Variants in ANXA1 observed in about 807,000 individuals in gnomAD.
The protein encoded by ANXA1 is annexin A1.
A neutral mutation model predicts 47.9 loss-of-function variants in ANXA1; 39 were observed. The observed-to-expected ratio is 0.81, with a 90% confidence interval of 0.63 to 1.06. The LOEUF (loss-of-function observed/expected upper bound fraction) is 1.06. ANXA1 is among the 50% of genes least tolerant of loss of function. ANXA1 has a pLI of 0.00. For synonymous variants in ANXA1, 146 were observed against 142.5 expected (o/e 1.02, Z -0.17); for missense variants, 446 against 422.7 (o/e 1.06, Z -0.48).
At chr9:73,164,982 A>G in intron 8 of ANXA1, 134 bp from the exon 9 acceptor site, 1 of 613,882 alleles carries the variant, frequency 1.6e-6, no homozygotes, top group Non-Finnish European at 2.8e-6. Flanking sequence ...AAGAACTTGC[A>G]ATCTTATTGT....
In ANXA1 at chr9:73,167,159, C is replaced by CAT. The variant is rs1824245517; in HGVS notation, c.803-336_803-335dup. On this transcript the variant is annotated intron_variant, in intron 10 of 12. Coordinates refer to ENST00000257497, the MANE Select transcript of ANXA1 (RefSeq NM_000700.3). ...TTCTTTTTAAATGTTCTTATAGTAACATAAATAAAGTATTTACATAGGCTT... is the reference window on the plus strand; with the variant it reads ...TTCTTTTTAAATGTTCTTATAGTAACATATAAATAAAGTATTTACATAGGCTT... Among the ~76,000 whole-genome samples the CAT allele has an allele frequency of 2.0e-5, 3 of 152,172 alleles. No individual in the cohort carries two copies. The South Asian group carries it at 6.2e-4, about 32-fold the overall frequency.
chr9:73,159,459 A>G (rs1337273850), intron 4 of ANXA1, 36 bp downstream of exon 4: 9 of 1,569,502 alleles, frequency 5.7e-6, no homozygotes. Flanking sequence ...ATTTAATTTC[A>G]GCATAGTTAT....
At position 73,154,896 on chromosome 9, in the gene ANXA1, C is replaced by T. The variant is rs189893380; in HGVS notation, c.-15+2972C>T. On this transcript the variant is annotated intron_variant, in intron 1 of 12. Transcript: ENST00000257497. ...TATTCCAAGCAAGGGTTAGTCATTG[C>T]TGTTACTATCATTGCAAAACTCTGA... Among the ~76,000 whole-genome samples, 141 of 152,296 alleles carry T rather than the reference C, an allele frequency of 9.3e-4. 1 individual carries two copies. The highest frequency in any genetic ancestry group is 3.2e-3 in the African/African-American group (133 of 41,556).
At position 73,167,492 on chromosome 9, in the gene ANXA1, A is replaced by C. The variant is rs1179696357; in HGVS notation, c.803-5A>C. On this transcript the variant is annotated splice_region_variant and splice_polypyrimidine_tract_variant and intron_variant, in intron 10 of 12. Coordinates refer to ENST00000257497, the MANE Select transcript of ANXA1 (RefSeq NM_000700.3). ...TACATCAACTAAAATTTTCTTCTCT[A>C]ACAGTGAAGTGCGCCACAAGCAAAC... 1 of 1,612,096 alleles carries C rather than the reference A, an allele frequency of 6.2e-7. No homozygotes were observed. The highest frequency in any genetic ancestry group is 8.5e-7 in the Non-Finnish European group (1 of 1,179,088).
At chr9:73,166,030 G>C in intron 9 of ANXA1, 67 bp from the exon 10 acceptor site, 2 of 1,302,092 alleles carry the variant, frequency 1.5e-6, no homozygotes, top group South Asian at 2.8e-5. Flanking sequence ...CAGTTGCCTT[G>C]ATTTTGCTAA....
chr9:73,168,955 G>A, intron 11 of ANXA1, 77 bp from the exon 12 acceptor site: 1 of 1,392,544 alleles, frequency 7.2e-7, no homozygotes, highest in African/African-American at 1.5e-5. Context: ...GAGTAAGAAG[G>A]CTTCACTTTA....
At chr9:73,153,429 G>C (rs1824001285) in intron 1 of ANXA1, among the ~76,000 whole-genome samples, 1 of 152,124 alleles carries the variant, frequency 6.6e-6, no homozygotes, top group African/African-American at 2.4e-5. Context: ...AGGAAGCTCA[G>C]AACAATCCAA....
At chr9:73,159,555 C>G (rs1323394383) in intron 4 of ANXA1, 132 bp downstream of exon 4, 6 of 638,872 alleles carry the variant, frequency 9.4e-6, no homozygotes, top group Non-Finnish European at 1.3e-5. Context: ...ATTGGGATTG[C>G]AGTGTTTATC....
At chr9:73,166,016 G>A in intron 9 of ANXA1, 81 bp from the exon 10 acceptor site, 2 of 1,031,140 alleles carry the variant, frequency 1.9e-6, no homozygotes, top group Non-Finnish European at 2.8e-6. Context: ...AAAATTCTTT[G>A]AGTCAGTTGC....
Position 73,167,556 on chromosome 9 carries a change from G to GT in ANXA1, c.861+2dup. The GT allele has an allele frequency of 6.2e-7, 1 of 1,613,166 alleles. No homozygotes were observed. Among genetic ancestry groups the GT allele is most frequent in the Non-Finnish European group, 8.5e-7 (1 of 1,179,308 alleles). ...AGAGAAGCTTCATCAAGCCATGAAA[G>GT]TATGTACCATTCTACTTATATGTCC... On this transcript the variant is annotated splice_donor_variant, in intron 11 of 12. Coordinates refer to ENST00000257497, the MANE Select transcript of ANXA1 (RefSeq NM_000700.3). LOFTEE classifies it high-confidence loss of function.
At chr9:73,165,321 T>A (rs1055296294) in intron 9 of ANXA1, 112 bp downstream of exon 9, 1 of 756,482 alleles carries the variant, frequency 1.3e-6, no homozygotes, top group African/African-American at 1.8e-5. Context: ...CACTCCTGTA[T>A]CAAACAGATA....
rs895777288 is a variant in ANXA1, at chr9:73,161,014, T to G, written c.475+121T>G. ...TTGGAATCTCCACATATCAAAATGT[T>G]TCTTTATTGTTTGGCACATGTCTAT... On this transcript the variant is annotated intron_variant, in intron 6 of 12. Transcript: ENST00000257497. 1.7e-5 allele frequency: 11 copies of G among 662,604 alleles called. No individual in the cohort carries two copies. In the African/African-American group the frequency reaches 2.0e-4, roughly 12 times the overall value. The allele number at this position is 662,604 out of a possible 1,614,324, so 41.0% of individuals were successfully genotyped here.
chr9:73,155,074 T>C (rs1459595662), intron 1 of ANXA1, among the ~76,000 whole-genome samples: 2 of 152,278 alleles, frequency 1.3e-5, no homozygotes, highest in South Asian at 4.1e-4. Context: ...GCAAAAAAAT[T>C]GCTACGCTTT....
In ANXA1 at chr9:73,162,834, T is replaced by C; in HGVS notation, c.528T>C (p.Phe176=). 1.2e-6 allele frequency: 2 copies of C among 1,613,254 alleles called. No homozygotes were observed. The highest frequency in any genetic ancestry group is 1.7e-6 in the Non-Finnish European group (2 of 1,179,494). ...KDITSDTSGD[F]RNALLSLAKG... ...TAACCTCAGACACATCTGGAGATTT[T>C]CGGAACGCTTTGCTTTCTCTTGCTA... The change falls in exon 7 of 13, where the codon TTT becomes TTC. Residue 176 remains phenylalanine (F), a synonymous_variant. Transcript: ENST00000257497.
intron 7 of ANXA1, among the ~76,000 whole-genome samples, chr9:73,163,098 C>A (rs1204737122): frequency 3.9e-5 from 6 of 152,084 alleles, no homozygotes; most frequent in Non-Finnish European, 7.4e-5. Flanking sequence ...TGTGCAGAGA[C>A]CACATGGCAA....
At chr9:73,167,279 A>C (rs1396450998) in intron 10 of ANXA1, among the ~76,000 whole-genome samples, 1 of 152,172 alleles carries the variant, frequency 6.6e-6, no homozygotes, top group Non-Finnish European at 1.5e-5. Flanking sequence ...GGTAATAAAA[A>C]AATTGATCGT....
rs1293841938 is a variant in ANXA1 at position 73,154,635 on chromosome 9, C to T, written c.-15+2711C>T. ...TGTACTTTTGGTAGAGACGGGGTTT[C>T]GCCATGCTGGCCAGGCTGGTCTTGA... On this transcript the variant is annotated intron_variant, in intron 1 of 12. Coordinates refer to ENST00000257497, the MANE Select transcript of ANXA1 (RefSeq NM_000700.3). Among the ~76,000 whole-genome samples, 31 of 152,098 alleles carry T rather than the reference C, an allele frequency of 2.0e-4. 1 individual carries two copies. The highest frequency in any genetic ancestry group is 6.2e-4 in the South Asian group (3 of 4,822).
chr9:73,158,344 G>A (rs1218773997), intron 1 of ANXA1, 178 bp from the exon 2 acceptor site: 9 of 555,234 alleles, frequency 1.6e-5, no homozygotes, highest in Non-Finnish European at 2.3e-5. Flanking sequence ...AAGTATAAAA[G>A]CTTCCTTTAA....
chr9:73,157,819 G>A (rs542799791), intron 1 of ANXA1: 12 of 151,984 alleles, frequency 7.9e-5, no homozygotes, highest in Middle Eastern at 3.4e-3. Context: ...AAGGATGAAT[G>A]GTCTTTCGGA....
Sources: allele counts gnomAD v4.1 joint callset (sites outside exome capture counted in the v4.1 genomes callset), GRCh38; gene constraint gnomAD v4.1.1; transcripts MANE v1.5; gene names NCBI Gene and HGNC (gene_info 2026-07-23, HGNC 2026-07-21).